Variants in UNC5D observed in about 807,000 individuals in gnomAD.
UNC5D encodes the protein unc-5 netrin receptor D.
In UNC5D, 39 loss-of-function variants were observed where a neutral mutation model predicts 105.4. The ratio of observed to expected loss-of-function variants is 0.37; its 90% confidence interval spans 0.29 to 0.48. The LOEUF (loss-of-function observed/expected upper bound fraction) is 0.48, where lower values mean the gene tolerates loss of function less well. Among genes scored for constraint, UNC5D ranks in the 20% least tolerant of loss-of-function variants. The pLI, the probability that UNC5D is intolerant of heterozygous loss-of-function variation, is 0.98. For synonymous variants in UNC5D, 452 were observed against 450.4 expected, an observed-to-expected ratio of 1.00 and a Z score of -0.04; for missense variants, 991 against 1,202.4, an observed-to-expected ratio of 0.82 and a Z score of 2.60.
At chr8:35,251,752 A>G (rs1213104964) in intron 1 of UNC5D, among the ~76,000 whole-genome samples, 1 of 152,126 alleles carries the variant, frequency 6.6e-6, no homozygotes, top group Non-Finnish European at 1.5e-5. Context: ...TGTCTTAGGT[A>G]TTACATCTCA....
At chr8:35,472,964 A>G (rs4481589) in intron 1 of UNC5D, among the ~76,000 whole-genome samples, 129,728 of 152,252 alleles carry the variant, frequency 0.85, 55,717 homozygotes, top group Non-Finnish European at 0.91. Context: ...ATAAGTTACA[A>G]AGGCACACCA....
chr8:35,566,782 C>T (rs573584813), intron 2 of UNC5D, among the ~76,000 whole-genome samples: 1 of 152,286 alleles, frequency 6.6e-6, no homozygotes, highest in East Asian at 1.9e-4. Context: ...AGATGGAATT[C>T]AATAAGCATT....
At chr8:35,551,812 G>A (rs572855518) in intron 2 of UNC5D, among the ~76,000 whole-genome samples, 8 of 145,544 alleles carry the variant, frequency 5.5e-5, no homozygotes, top group South Asian at 2.3e-4. Context: ...GCAAGACTCC[G>A]TCTAAAAAAA....
intron 2 of UNC5D, 46 bp downstream of exon 2, chr8:35,549,556 T>C (rs1382955662): frequency 1.3e-6 from 2 of 1,562,690 alleles, no homozygotes; most frequent in Admixed American, 3.6e-5. Context: ...ACTCTTTAGG[T>C]TCTCCTGTGG....
At chr8:35,322,605 T>C (rs1407594996) in intron 1 of UNC5D, among the ~76,000 whole-genome samples, 2 of 152,210 alleles carry the variant, frequency 1.3e-5, no homozygotes, top group Non-Finnish European at 2.9e-5. Flanking sequence ...CCCTGTCTTC[T>C]CAAGAGGATT....
Position 35,342,223 on chromosome 8 carries a change from A to G in UNC5D, c.103+106336A>G, listed in dbSNP as rs183234029. On this transcript the variant is annotated intron_variant, in intron 1 of 16. Transcript: ENST00000404895. ...GATTTTGGACCTTTTCCGTGACCCC[A>G]GAATCCCAGGTAGATCAGAATTTGT... is the stretch of plus-strand genomic sequence containing the variant. Among the ~76,000 whole-genome samples the G allele has an allele frequency of 7.9e-5, 12 of 152,238 alleles. 1 individual carries two copies. The highest frequency in any genetic ancestry group is 2.1e-4 in the South Asian group (1 of 4,830).
chr8:35,403,407 G>T (rs187390933), intron 1 of UNC5D, among the ~76,000 whole-genome samples: 1 of 152,196 alleles, frequency 6.6e-6, no homozygotes, highest in East Asian at 1.9e-4. Context: ...CCATTGTGAT[G>T]CATAGACTGT....
At chr8:35,714,909 TG>T (rs201081073) in intron 8 of UNC5D, among the ~76,000 whole-genome samples, 7,692 of 152,248 alleles carry the variant, frequency 0.051, 387 homozygotes, top group Admixed American at 0.11. Context: ...CCCAGCACTT[TG>T]GGAGGCCAAG....
chr8:35,314,062 ATT>A (rs1809100536), intron 1 of UNC5D, among the ~76,000 whole-genome samples: 1 of 152,128 alleles, frequency 6.6e-6, no homozygotes, highest in Non-Finnish European at 1.5e-5. Flanking sequence ...GATTGTTACA[ATT>A]TCTCTTTCAA....
intron 1 of UNC5D, among the ~76,000 whole-genome samples, chr8:35,482,775 G>A (rs1035134010): frequency 4.2e-5 from 6 of 142,742 alleles, no homozygotes; most frequent in Non-Finnish European, 7.6e-5. Context: ...ACTTATATCA[G>A]TGTGTCATTA....
intron 1 of UNC5D, among the ~76,000 whole-genome samples, chr8:35,410,821 A>G (rs1397147013): frequency 1.3e-5 from 2 of 152,092 alleles, no homozygotes; most frequent in Non-Finnish European, 2.9e-5. Context: ...TCTGATTCTT[A>G]GGACAAAGCT....
rs149074364 is a variant in UNC5D at position 35,513,445 on chromosome 8, T to C, written c.104-35847T>C. ...GGTTTCATCATGTTGGTCAGGCTGG[T>C]CTCAAACTCCTGACCTCAGTTGATC... On this transcript the variant is annotated intron_variant, in intron 1 of 16. Coordinates refer to ENST00000404895, the MANE Select transcript of UNC5D (RefSeq NM_080872.4). Among the ~76,000 whole-genome samples the C allele has an allele frequency of 1.9e-3, 294 of 151,828 alleles. 1 individual carries two copies. Among genetic ancestry groups the C allele is most frequent in the African/African-American group, 6.6e-3 (275 of 41,396 alleles).
In UNC5D at chr8:35,682,765, T is replaced by C. The variant is rs556630174; in HGVS notation, c.571-782T>C. 2.6e-5 allele frequency among the ~76,000 whole-genome samples: 4 copies of C among 152,252 alleles called. No individual in the cohort carries two copies. The South Asian group carries it at 8.3e-4, about 32-fold the overall frequency. On this transcript the variant is annotated intron_variant, in intron 4 of 16. Coordinates refer to ENST00000404895, the MANE Select transcript of UNC5D (RefSeq NM_080872.4). ...AGGAAAGAGAAGTTTGGACCAAGGA[T>C]AGGACCAAGATAAAACTGGGAAGAA...
At chr8:35,704,996 C>T (rs931757825) in intron 7 of UNC5D, among the ~76,000 whole-genome samples, 35 of 137,174 alleles carry the variant, frequency 2.6e-4, no homozygotes, top group East Asian at 1.8e-3. Context: ...GACGGAGTCT[C>T]GCTGTTGCCC....
intron 16 of UNC5D, among the ~76,000 whole-genome samples, chr8:35,781,236 A>G (rs1382614992): frequency 6.6e-6 from 1 of 152,200 alleles, no homozygotes; most frequent in Non-Finnish European, 1.5e-5. Context: ...ACTGCCCGCT[A>G]ATATGAAGCT....
At chr8:35,686,402 A>C in intron 6 of UNC5D, 143 bp from the exon 7 acceptor site, 1 of 875,740 alleles carries the variant, frequency 1.1e-6, no homozygotes, top group South Asian at 2.5e-5. Context: ...CCATGGAGAG[A>C]AGATAAGTGG....
Position 35,510,508 on chromosome 8 carries a change from C to T in UNC5D, c.104-38784C>T, listed in dbSNP as rs568732723. ...CACCTGCTGCCTCAACTTTTTTTAG[C>T]GACAATAAGGCTTCATTGCTGAGGT... On this transcript the variant is annotated intron_variant, in intron 1 of 16. Transcript: ENST00000404895. Among the ~76,000 whole-genome samples the T allele has an allele frequency of 3.9e-5, 6 of 152,158 alleles. No homozygotes were observed. The East Asian group carries it at 9.7e-4, about 25-fold the overall frequency.
chr8:35,779,675 C>T (rs1179504715), intron 16 of UNC5D, among the ~76,000 whole-genome samples: 1 of 152,146 alleles, frequency 6.6e-6, no homozygotes, highest in Non-Finnish European at 1.5e-5. Flanking sequence ...AGGCTGGTCT[C>T]AAACTCCTGG....
At chr8:35,384,640 GGACAAA>G (rs1803270346) in intron 1 of UNC5D, among the ~76,000 whole-genome samples, 1 of 152,138 alleles carries the variant, frequency 6.6e-6, no homozygotes, top group Non-Finnish European at 1.5e-5. Flanking sequence ...ACCCAAAGTG[GGACAAA>G]GAAAAGAAAG....
Sources: allele counts gnomAD v4.1 joint callset (sites outside exome capture counted in the v4.1 genomes callset), GRCh38; gene constraint gnomAD v4.1.1; transcripts MANE v1.5; gene names NCBI Gene and HGNC (gene_info 2026-07-23, HGNC 2026-07-21).